URI1: variants seen among roughly 807,000 people sequenced by gnomAD.
URI1 encodes the protein URI1 prefoldin like chaperone.
URI1 carries 39 observed loss-of-function variants against 60.2 expected under a neutral mutation model. The ratio of observed to expected loss-of-function variants is 0.65; its 90% CI spans 0.50 to 0.85. The LOEUF is 0.85. Among genes scored for constraint, URI1 ranks in the 40% least tolerant of loss-of-function variants. The pLI is 0.00. For synonymous variants in URI1, 251 were observed against 236.8 expected (o/e 1.06, Z -0.55); for missense variants, 691 against 665.9 (o/e 1.04, Z -0.42).
chr19:29,977,126 TTC>T (rs920024170), intron 2 of URI1, among the ~76,000 whole-genome samples: 4 of 151,776 alleles, frequency 2.6e-5, no homozygotes, highest in African/African-American at 9.7e-5. Flanking sequence ...AGATTTGATT[TTC>T]TCTCTCTCTT....
At chr19:29,957,026 T>G (rs2055257627) in intron 1 of URI1, 1 of 628,668 alleles carries the variant, frequency 1.6e-6, no homozygotes, top group African/African-American at 1.9e-5. Flanking sequence ...TGGCCCAGAG[T>G]AGTCTTTTTA....
At chr19:29,937,003 C>T (rs191779131) in intron 1 of URI1, among the ~76,000 whole-genome samples, 3 of 152,258 alleles carry the variant, frequency 2.0e-5, no homozygotes, top group East Asian at 3.9e-4. Flanking sequence ...CCACCCTCCT[C>T]GGCCTCCCAA....
chr19:29,942,216 C>T, upstream of URI1: 1 of 984,632 alleles, frequency 1.0e-6, no homozygotes, highest in Non-Finnish European at 1.2e-6. Context: ...CGCTTGCTTC[C>T]GGCGTGCCGC....
At chr19:29,925,709 C>T (rs1462970813) in intron 1 of URI1, 2 of 152,198 alleles carry the variant, frequency 1.3e-5, no homozygotes, top group African/African-American at 4.8e-5. Context: ...AGAAGAATCC[C>T]GTGACTGACT....
intron 5 of URI1, 24 bp from the exon 6 acceptor site, chr19:30,005,627 G>T (rs761475383): frequency 1.2e-6 from 2 of 1,603,088 alleles, no homozygotes; most frequent in Non-Finnish European, 8.5e-7. Flanking sequence ...TTGTTAATAC[G>T]CTTTTTTTTT....
upstream of URI1, among the ~76,000 whole-genome samples, chr19:29,938,451 C>A (rs111878500): frequency 5.6e-3 from 852 of 152,266 alleles, 3 homozygotes; most frequent in Non-Finnish European, 8.6e-3. Context: ...GACCCAAACA[C>A]CTCCCACTAG....
Position 29,942,726 on chromosome 19 carries a change from G to T in URI1, c.117+62G>T. The T allele has an allele frequency of 4.6e-6, 6 of 1,314,774 alleles. No individual in the cohort carries two copies. The South Asian group carries it at 8.1e-5, about 18-fold the overall frequency. The allele number at this position is 1,314,774 out of a possible 1,614,324, so 81.4% of individuals were successfully genotyped here. On this transcript the variant is annotated intron_variant, in intron 1 of 10. Coordinates refer to ENST00000392271, the MANE Select transcript of URI1 (RefSeq NM_003796.3). Reference sequence around the variant, plus strand: ...GCCGGGCTGCCCCTGCCTGTGCTCTGGGCCGCCGCCCCGCGTGGCCTAGGC... The same window carrying T: ...GCCGGGCTGCCCCTGCCTGTGCTCTTGGCCGCCGCCCCGCGTGGCCTAGGC...
At chr19:29,973,741 T>C (rs1439603014) in intron 2 of URI1, among the ~76,000 whole-genome samples, 1 of 152,140 alleles carries the variant, frequency 6.6e-6, no homozygotes, top group Non-Finnish European at 1.5e-5. Flanking sequence ...CCTAGAACTT[T>C]GGTGAACGAA....
chr19:29,956,375 T>C, intron 1 of URI1: 1 of 1,352,870 alleles, frequency 7.4e-7, no homozygotes, highest in South Asian at 1.2e-5. Flanking sequence ...AGGAGTCATC[T>C]GGCATCTTCT....
intron 1 of URI1, among the ~76,000 whole-genome samples, chr19:29,964,526 G>A (rs1156481826): frequency 1.4e-5 from 2 of 147,738 alleles, no homozygotes; most frequent in African/African-American, 2.5e-5. Flanking sequence ...GTGCAATGGC[G>A]TGACCTTGGC....
chr19:29,988,312 C>G (rs971461026), intron 4 of URI1, among the ~76,000 whole-genome samples: 1 of 151,968 alleles, frequency 6.6e-6, no homozygotes, highest in East Asian at 1.9e-4. Flanking sequence ...GAAATATAAC[C>G]AGTTAAACAC....
chr19:29,947,245 C>G (rs928793978), intron 1 of URI1, among the ~76,000 whole-genome samples: 3 of 152,188 alleles, frequency 2.0e-5, no homozygotes, highest in Non-Finnish European at 2.9e-5. Context: ...ATCCATTTGT[C>G]ATGCATATGT....
At chr19:30,012,067 CT>C (rs1468401943) in intron 9 of URI1, among the ~76,000 whole-genome samples, 1 of 151,988 alleles carries the variant, frequency 6.6e-6, no homozygotes, top group South Asian at 2.1e-4. Context: ...AAATAACATG[CT>C]GTGTTTTATT....
upstream of URI1, among the ~76,000 whole-genome samples, chr19:29,939,800 G>A (rs917946548): frequency 6.6e-6 from 1 of 152,170 alleles, no homozygotes; most frequent in Non-Finnish European, 1.5e-5. Flanking sequence ...CCTGAGGCAG[G>A]AACTAGTCTG....
chr19:30,015,390 TA>T lies in URI1; in HGVS notation c.*322del. ...CATTGTTTTTGTGTTTCAAACTAAA[TA>T]CAGGCAGTTTTGTGCCAGCTGTGAT... On this transcript the variant is annotated 3_prime_UTR_variant, in exon 11 of 11. Transcript: ENST00000392271. 7.0e-7 allele frequency: 1 copy of T among 1,435,480 alleles called. No individual in the cohort carries two copies. The highest frequency in any genetic ancestry group is 1.4e-5 in the African/African-American group (1 of 69,788). The allele number at this position is 1,435,480 out of a possible 1,614,324, so 88.9% of individuals were successfully genotyped here.
chr19:29,927,842 G>A (rs1281833853), intron 1 of URI1, among the ~76,000 whole-genome samples: 1 of 151,996 alleles, frequency 6.6e-6, no homozygotes, highest in Non-Finnish European at 1.5e-5. Flanking sequence ...CTCCCAAAAT[G>A]CTGGGATTAG....
rs181065600 is a variant in URI1, at chr19:30,000,440, T to G, written c.368-4921T>G. 3.2e-3 allele frequency among the ~76,000 whole-genome samples: 480 copies of G among 152,092 alleles called. 1 individual carries two copies. The highest frequency in any genetic ancestry group is 0.011 in the African/African-American group (467 of 41,552). On this transcript the variant is annotated intron_variant, in intron 4 of 10. Coordinates refer to ENST00000392271, the MANE Select transcript of URI1 (RefSeq NM_003796.3). ...TTGTTGGAATATTGCTTTAAGTAAC[T>G]TTTGGGAACCTGCTCGGAGGTACTT... is the stretch of plus-strand genomic sequence containing the variant.
intron 2 of URI1, among the ~76,000 whole-genome samples, chr19:29,974,696 G>C (rs1011083917): frequency 6.6e-6 from 1 of 152,078 alleles, no homozygotes; most frequent in Non-Finnish European, 1.5e-5. Flanking sequence ...CACCCAGATA[G>C]CATAGTACCC....
chr19:29,957,180 T>TA (rs1459539170), intron 1 of URI1, among the ~76,000 whole-genome samples: 1 of 152,114 alleles, frequency 6.6e-6, no homozygotes, highest in Admixed American at 6.6e-5. Context: ...ATCTGCAACT[T>TA]TTCTTCTGTT....
Sources: gnomAD v4.1 joint callset for allele counts (sites outside exome capture counted in the v4.1 genomes callset) on GRCh38, gnomAD v4.1.1 for gene constraint, MANE v1.5 for transcripts, NCBI Gene and HGNC (gene_info 2026-07-23, HGNC 2026-07-21) for gene names.